The following KIAA1217 variants were observed in gnomAD, a reference collection of about 807,000 sequenced individuals.
KIAA1217 encodes the protein sickle tail protein homolog.
Under a neutral mutation model 163.9 loss-of-function variants are expected in KIAA1217, and 88 were observed. That is an observed-to-expected ratio of 0.54 (90% CI 0.45 to 0.64). The LOEUF (loss-of-function observed/expected upper bound fraction) is 0.64, where lower values mean the gene tolerates loss of function less well. Ranked by LOEUF, KIAA1217 falls within the 30% of genes least tolerant of loss-of-function variation. The pLI is 0.00. For synonymous variants in KIAA1217, 903 were observed against 923.1 expected, an observed-to-expected ratio of 0.98 and a Z score of 0.39; for missense variants, 2,372 against 2,475.0, an observed-to-expected ratio of 0.96 and a Z score of 0.88.
In KIAA1217 at chr10:23,767,583, G is replaced by GA. The variant is rs535875019; in HGVS notation, c.-321+72354dup. ...AGAGCCCATCTCATTTTTTTTAAAA[G>GA]AAAAAGTAAAAGGACATATTTAAAT... On this transcript the variant is annotated intron_variant, in intron 1 of 18. Transcript: ENST00000376462. Among the ~76,000 whole-genome samples, 56 of 152,084 alleles carry GA rather than the reference G, an allele frequency of 3.7e-4. 1 individual carries two copies. In the South Asian group the frequency reaches 9.6e-3, roughly 26 times the overall value.
chr10:23,778,235 C>T (rs191635149), intron 1 of KIAA1217, among the ~76,000 whole-genome samples: 5 of 152,284 alleles, frequency 3.3e-5, no homozygotes, highest in Admixed American at 2.6e-4. Context: ...CCACCATGCT[C>T]GGCAAACTGC....
intron 1 of KIAA1217, among the ~76,000 whole-genome samples, chr10:23,975,461 C>A (rs1398494461): frequency 6.6e-6 from 1 of 152,184 alleles, no homozygotes; most frequent in African/African-American, 2.4e-5. Flanking sequence ...ACCAAATTTT[C>A]TTTGAAAATA....
At chr10:24,355,277 C>A (rs999760493) in intron 2 of KIAA1217, among the ~76,000 whole-genome samples, 2 of 152,176 alleles carry the variant, frequency 1.3e-5, no homozygotes, top group African/African-American at 4.8e-5. Context: ...ACATTGTCTT[C>A]AGTGGTTTAT....
At chr10:24,067,281 C>T (rs993724322) in intron 2 of KIAA1217, among the ~76,000 whole-genome samples, 6 of 152,092 alleles carry the variant, frequency 3.9e-5, no homozygotes, top group Admixed American at 2.0e-4. Context: ...ATTTTATCTA[C>T]CTTTTGTCTT....
chr10:24,454,521 G>A (rs2061621580), intron 5 of KIAA1217, among the ~76,000 whole-genome samples: 1 of 152,160 alleles, frequency 6.6e-6, no homozygotes, highest in African/African-American at 2.4e-5. Flanking sequence ...TCATACCAAT[G>A]CCAATGATGG....
intron 5 of KIAA1217, among the ~76,000 whole-genome samples, chr10:24,443,207 T>A (rs75973435): frequency 6.6e-6 from 1 of 152,054 alleles, no homozygotes; most frequent in East Asian, 1.9e-4. Flanking sequence ...TGGACAGTAA[T>A]GTTAATTATT....
chr10:24,494,395 G>T, intron 6 of KIAA1217, 105 bp from the exon 7 acceptor site: 1 of 871,374 alleles, frequency 1.1e-6, no homozygotes, highest in Non-Finnish European at 1.8e-6. Flanking sequence ...GAACTTCCAC[G>T]GCCTTCTAGG....
At chr10:23,869,124 G>GTCTTTTTTTTTTTTTTTT (rs1840331665) in intron 1 of KIAA1217, among the ~76,000 whole-genome samples, 1 of 31,702 alleles carries the variant, frequency 3.2e-5, no homozygotes, top group African/African-American at 1.2e-4. Context: ...ATGAAATGTA[G>GTCTTTTTTTTTTTTTTTT]TTTTTTTTTT....
At chr10:23,911,976 G>A (rs765156549) in intron 1 of KIAA1217, among the ~76,000 whole-genome samples, 5 of 152,274 alleles carry the variant, frequency 3.3e-5, no homozygotes, top group African/African-American at 7.2e-5. Flanking sequence ...TGGCATCAGC[G>A]TAGGAGGCAG....
At chr10:23,949,253 A>G (rs1353372007) in intron 1 of KIAA1217, among the ~76,000 whole-genome samples, 1 of 152,218 alleles carries the variant, frequency 6.6e-6, no homozygotes, top group Non-Finnish European at 1.5e-5. Flanking sequence ...TAGCAAAACA[A>G]GATACCCTCA....
chr10:23,836,901 T>G (rs1161847368), intron 1 of KIAA1217, among the ~76,000 whole-genome samples: 1 of 129,182 alleles, frequency 7.7e-6, no homozygotes. Context: ...CTAGCCTGGG[T>G]GACAGAGTGA....
intron 2 of KIAA1217, among the ~76,000 whole-genome samples, chr10:24,007,729 C>G (rs1037229089): frequency 6.6e-6 from 1 of 152,118 alleles, no homozygotes; most frequent in East Asian, 1.9e-4. Flanking sequence ...AGAACATGAA[C>G]TTTTTGGCAA....
intron 3 of KIAA1217, among the ~76,000 whole-genome samples, chr10:24,430,876 A>G (rs1287000272): frequency 6.6e-6 from 1 of 152,188 alleles, no homozygotes; most frequent in Non-Finnish European, 1.5e-5. Flanking sequence ...CCCAGTTCCT[A>G]ACAAGCCAAG....
intron 1 of KIAA1217, among the ~76,000 whole-genome samples, chr10:23,823,625 T>A (rs549105212): frequency 2.1e-4 from 32 of 152,290 alleles, no homozygotes; most frequent in Admixed American, 2.0e-3. Flanking sequence ...CGTGGATATG[T>A]TTGGCAGGGG....
rs534745292 is a variant in KIAA1217 at position 24,223,644 on chromosome 10, GA to G, written c.354+3736del. 2.1e-3 allele frequency among the ~76,000 whole-genome samples: 322 copies of G among 151,738 alleles called. 3 individuals carry two copies. The highest frequency in any genetic ancestry group is 7.4e-3 in the African/African-American group (305 of 41,378). ...TGATAAGAAGAGAGCCAATCAGCAA[GA>G]TAGAGAATAAGATGTTGAAAGTGAT... On this transcript the variant is annotated intron_variant, in intron 2 of 20. Coordinates refer to ENST00000376454, the MANE Select transcript of KIAA1217 (RefSeq NM_019590.5).
chr10:23,943,188 G>A (rs1843858221), intron 1 of KIAA1217, among the ~76,000 whole-genome samples: 1 of 152,022 alleles, frequency 6.6e-6, no homozygotes, highest in African/African-American at 2.4e-5. Flanking sequence ...AGGAATAAGA[G>A]AAGGGAAAAT....
intron 1 of KIAA1217, among the ~76,000 whole-genome samples, chr10:23,735,052 G>A (rs1201154389): frequency 2.0e-5 from 3 of 151,624 alleles, no homozygotes; most frequent in Non-Finnish European, 4.4e-5. Context: ...AAACATTTGA[G>A]TTTAAAAAAA....
At chr10:24,341,383 A>G (rs887916407) in intron 2 of KIAA1217, among the ~76,000 whole-genome samples, 15 of 144,980 alleles carry the variant, frequency 1.0e-4, no homozygotes, top group African/African-American at 5.0e-5. Flanking sequence ...TTCCGGTCCT[A>G]AAAAAAAAAA....
chr10:24,187,804 C>T (rs984478300), intron 2 of KIAA1217, among the ~76,000 whole-genome samples: 13 of 151,940 alleles, frequency 8.6e-5, no homozygotes, highest in African/African-American at 2.7e-4. Context: ...GCAGGAGAAT[C>T]GCTTGAACCC....
Sources: allele counts gnomAD v4.1 joint callset (sites outside exome capture counted in the v4.1 genomes callset), GRCh38; gene constraint gnomAD v4.1.1; transcripts MANE v1.5; gene names NCBI Gene and HGNC (gene_info 2026-07-23, HGNC 2026-07-21).